Variants in HIGD1C observed in about 807,000 individuals in gnomAD.
HIGD1C encodes the protein HIG1 domain family member 1C.
HIGD1C carries 11 observed loss-of-function variants against 13.1 expected under a neutral mutation model. The ratio of observed to expected loss-of-function variants is 0.84; its 90% CI spans 0.53 to 1.39. The LOEUF is 1.39. Among genes scored for constraint, HIGD1C ranks in the 40% most tolerant of loss-of-function variants. The pLI is 0.00. For missense variants in HIGD1C, 110 were observed against 112.0 expected (o/e 0.98, Z 0.08); for synonymous variants, 36 against 37.7 (o/e 0.95, Z 0.17).
At position 50,959,141 on chromosome 12, in the gene HIGD1C, C is replaced by T. The variant is rs182526478; in HGVS notation, c.95-1827C>T. On this transcript the variant is annotated intron_variant, in intron 1 of 2. Transcript: ENST00000398455. ...CCTCTTTTTTATTTTTTTCCTGAGACGGAGTTTTGCTCTTGTTGCCCAGGC... is the reference window on the plus strand; with the variant it reads ...CCTCTTTTTTATTTTTTTCCTGAGATGGAGTTTTGCTCTTGTTGCCCAGGC... Among the ~76,000 whole-genome samples, 9 of 151,976 alleles carry T rather than the reference C, an allele frequency of 5.9e-5. 1 individual carries two copies. In the South Asian group the frequency reaches 6.2e-4, roughly 11 times the overall value.
At chr12:50,970,769 G>A (rs981946692), downstream of HIGD1C, among the ~76,000 whole-genome samples, 1 of 151,978 alleles carries the variant, frequency 6.6e-6, no homozygotes, top group Non-Finnish European at 1.5e-5. Flanking sequence ...TGTAGTTAGT[G>A]GCAGAAAATA....
chr12:50,968,447 C>T (rs750665041), intron 2 of HIGD1C, among the ~76,000 whole-genome samples: 8 of 151,946 alleles, frequency 5.3e-5, no homozygotes, highest in African/African-American at 7.3e-5. Flanking sequence ...CGTGCAGTGG[C>T]GTGATCACGG....
chr12:50,942,494 A>G, the HIGD1C span, among the ~76,000 whole-genome samples: 1 of 152,210 alleles, frequency 6.6e-6, no homozygotes, highest in African/African-American at 2.4e-5. Flanking sequence ...CAGAACCTAA[A>G]TAAAAAATCA....
exon 1 of HIGD1C, chr12:50,953,944 A>G (rs779502507): frequency 4.9e-5 from 52 of 1,063,370 alleles, no homozygotes; most frequent in Non-Finnish European, 7.2e-5. Context: ...AAAACAAATT[A>G]TTTTTAATGA....
chr12:50,954,055 A>C, exon 1 of HIGD1C: 1 of 1,613,258 alleles, frequency 6.2e-7, no homozygotes, highest in Non-Finnish European at 8.5e-7. Context: ...TATCCCGACT[A>C]ATCAGGAAAT....
chr12:50,958,940 C>A (rs1047437070), intron 1 of HIGD1C, among the ~76,000 whole-genome samples: 1 of 151,286 alleles, frequency 6.6e-6, no homozygotes, highest in Admixed American at 6.6e-5. Context: ...TCACTTAAAC[C>A]CGGGAGGCAG....
chr12:50,965,277 CTAATTTT>C (rs1352401605), intron 2 of HIGD1C, among the ~76,000 whole-genome samples: 98 of 149,452 alleles, frequency 6.6e-4, no homozygotes, highest in African/African-American at 2.3e-3. Flanking sequence ...CCATGCCTGG[CTAATTTT>C]TAATTTTTTT....
At chr12:50,957,850 A>T (rs1487534278) in intron 1 of HIGD1C, among the ~76,000 whole-genome samples, 1 of 151,824 alleles carries the variant, frequency 6.6e-6, no homozygotes, top group Non-Finnish European at 1.5e-5. Context: ...ATGCCACTGC[A>T]CTCCAGCCTT....
chr12:50,937,169 C>T, the HIGD1C span, among the ~76,000 whole-genome samples: 2 of 152,236 alleles, frequency 1.3e-5, no homozygotes, highest in Admixed American at 1.3e-4. Flanking sequence ...ACGCAGACCT[C>T]CATGGCTAGT....
At chr12:50,950,740 C>T (rs930010058), upstream of HIGD1C, among the ~76,000 whole-genome samples, 8 of 145,890 alleles carry the variant, frequency 5.5e-5, no homozygotes, top group African/African-American at 2.1e-4. Context: ...GCAGTGGTGC[C>T]ATCTCAGCTC....
chr12:50,937,485 C>T, the HIGD1C span, among the ~76,000 whole-genome samples: 5 of 152,324 alleles, frequency 3.3e-5, no homozygotes, highest in East Asian at 9.6e-4. Context: ...TCTGGACTCC[C>T]AGAAGGGCCG....
intron 2 of HIGD1C, among the ~76,000 whole-genome samples, chr12:50,963,863 C>A (rs1423999346): frequency 1.3e-5 from 2 of 152,142 alleles, no homozygotes; most frequent in Non-Finnish European, 2.9e-5. Context: ...TACCACTGTC[C>A]AGCCCTTGTC....
At chr12:50,957,062 T>C (rs1489021940) in intron 1 of HIGD1C, among the ~76,000 whole-genome samples, 1 of 152,020 alleles carries the variant, frequency 6.6e-6, no homozygotes, top group African/African-American at 2.4e-5. Flanking sequence ...GTGTATAAAA[T>C]ATACATGTAA....
chr12:50,950,495 CCTA>C (rs1205669288), upstream of HIGD1C, among the ~76,000 whole-genome samples: 6 of 151,764 alleles, frequency 4.0e-5, no homozygotes, highest in Non-Finnish European at 7.4e-5. Flanking sequence ...CATTAGAATG[CCTA>C]CTAATAAATG....
At chr12:50,971,541 A>G (rs74443482), downstream of HIGD1C, among the ~76,000 whole-genome samples, 117 of 152,330 alleles carry the variant, frequency 7.7e-4, no homozygotes, top group East Asian at 0.02. Flanking sequence ...ACACTGTAGA[A>G]AACACAAGAA....
At chr12:50,937,560 T>G in the HIGD1C span, among the ~76,000 whole-genome samples, 1 of 152,238 alleles carries the variant, frequency 6.6e-6, no homozygotes, top group Non-Finnish European at 1.5e-5. Flanking sequence ...AAGGGTGGTG[T>G]GTGCTTCAGT....
the HIGD1C span, among the ~76,000 whole-genome samples, chr12:50,947,135 TG>T: frequency 1.3e-5 from 2 of 152,196 alleles, no homozygotes; most frequent in Non-Finnish European, 1.5e-5. Context: ...GGGAGTTCAC[TG>T]GATCTGTGAC....
At chr12:50,940,236 C>T in the HIGD1C span, among the ~76,000 whole-genome samples, 7 of 152,142 alleles carry the variant, frequency 4.6e-5, no homozygotes, top group Non-Finnish European at 8.8e-5. Flanking sequence ...TCTCTCTAAT[C>T]TTGGCTCCCA....
the HIGD1C span, among the ~76,000 whole-genome samples, chr12:50,942,161 C>T: frequency 6.9e-3 from 1,046 of 152,300 alleles, 13 homozygotes; most frequent in African/African-American, 0.024. Context: ...GGATTACAGG[C>T]GTGAGCCACC....
Sources: allele counts gnomAD v4.1 joint callset (sites outside exome capture counted in the v4.1 genomes callset), GRCh38; gene constraint gnomAD v4.1.1; transcripts MANE v1.5; gene names NCBI Gene and HGNC (gene_info 2026-07-23, HGNC 2026-07-21).